MVB12B: variants seen among roughly 807,000 people sequenced by gnomAD.
MVB12B encodes the protein multivesicular body subunit 12B, also known as ESCRT-I complex subunit MVB12B.
MVB12B carries 16 observed loss-of-function variants against 41.6 expected under a neutral mutation model. That is an observed-to-expected ratio of 0.38 (90% confidence interval 0.26 to 0.58). MVB12B has a LOEUF of 0.58. MVB12B is among the 20% of genes least tolerant of loss of function. MVB12B has a pLI of 0.62. For missense variants in MVB12B, 274 were observed against 380.2 expected (o/e 0.72, Z 2.32); for synonymous variants, 133 against 139.7 (o/e 0.95, Z 0.34).
At chr9:126,378,384 C>G (rs1588122651) in intron 2 of MVB12B, among the ~76,000 whole-genome samples, 1 of 152,188 alleles carries the variant, frequency 6.6e-6, no homozygotes, top group East Asian at 1.9e-4. Flanking sequence ...GAAGACACCT[C>G]TGGGTACATC....
At chr9:126,444,592 A>C (rs1234579403) in intron 7 of MVB12B, among the ~76,000 whole-genome samples, 1 of 151,936 alleles carries the variant, frequency 6.6e-6, no homozygotes. Context: ...TTGCTCTCAC[A>C]TTACTACCGC....
intron 7 of MVB12B, among the ~76,000 whole-genome samples, chr9:126,437,437 A>C (rs191432479): frequency 6.6e-6 from 1 of 152,212 alleles, no homozygotes; most frequent in Non-Finnish European, 1.5e-5. Context: ...ATTTACTCCA[A>C]ATAATTGGAA....
chr9:126,383,679 T>G lies in MVB12B; in HGVS notation c.312+2508T>G, dbSNP rs546355627. Among the ~76,000 whole-genome samples, 9 of 151,572 alleles carry G rather than the reference T, an allele frequency of 5.9e-5. No homozygotes were observed. In the South Asian group the frequency reaches 1.9e-3, roughly 32 times the overall value. On this transcript the variant is annotated intron_variant, in intron 3 of 9. Transcript: ENST00000361171. ...GTTCTTCATATTTATGAGGAGGAAA[T>G]GAAAGAGAGAACAGATGGGGGAGGG...
chr9:126,489,525 T>C (rs916804560), intron 9 of MVB12B, among the ~76,000 whole-genome samples: 1 of 152,228 alleles, frequency 6.6e-6, no homozygotes. Context: ...GGATGCGCCA[T>C]TGAGCAAATT....
chr9:126,360,311 C>T (rs1829994439), intron 2 of MVB12B, among the ~76,000 whole-genome samples: 1 of 152,094 alleles, frequency 6.6e-6, no homozygotes, highest in African/African-American at 2.4e-5. Flanking sequence ...AGTCAGCAAA[C>T]TTTTCTGTAG....
chr9:126,409,569 A>G (rs572075751), intron 6 of MVB12B, among the ~76,000 whole-genome samples: 6 of 152,168 alleles, frequency 3.9e-5, no homozygotes, highest in Non-Finnish European at 8.8e-5. Context: ...TCAATGCAGA[A>G]CTTAGCCTAA....
intron 7 of MVB12B, among the ~76,000 whole-genome samples, chr9:126,465,796 T>C (rs1833188367): frequency 6.6e-6 from 1 of 152,110 alleles, no homozygotes; most frequent in South Asian, 2.1e-4. Context: ...AACATTTGTT[T>C]TAGATGTGTT....
At chr9:126,427,122 A>G (rs1269709699) in intron 7 of MVB12B, among the ~76,000 whole-genome samples, 2 of 152,110 alleles carry the variant, frequency 1.3e-5, no homozygotes, top group African/African-American at 4.8e-5. Flanking sequence ...TGCGGGGGGG[A>G]GGAGGGCTCC....
intron 7 of MVB12B, among the ~76,000 whole-genome samples, chr9:126,448,974 G>C (rs925485951): frequency 6.6e-6 from 1 of 152,208 alleles, no homozygotes; most frequent in African/African-American, 2.4e-5. Context: ...TACTCCAGGG[G>C]CCCACACCAG....
At chr9:126,487,720 T>C (rs905395475) in intron 9 of MVB12B, among the ~76,000 whole-genome samples, 2 of 150,948 alleles carry the variant, frequency 1.3e-5, no homozygotes, top group Non-Finnish European at 2.9e-5. Flanking sequence ...TGAGCCGAGA[T>C]TGCACCATTG....
In MVB12B at chr9:126,340,579, G is replaced by A. The variant is rs562864023; in HGVS notation, c.153G>A (p.Thr51=). The A allele has an allele frequency of 1.1e-5, 17 of 1,614,058 alleles. No individual in the cohort carries two copies. Among genetic ancestry groups the A allele is most frequent in the East Asian group, 2.2e-5 (1 of 44,898 alleles). ...ALPETSMDPI[T]GVGVVASRNR... is the part of the protein sequence containing the mutation. ...CAGAAACGTCAATGGATCCCATCAC[G>A]GGAGTCGGGGTGGTGGCTTCTCGGA... The change falls in exon 2 of 10, where the codon ACG becomes ACA. Residue 51 remains threonine (T), a synonymous_variant. Coordinates refer to ENST00000361171, the MANE Select transcript of MVB12B (RefSeq NM_033446.3). The surrounding 1 kb of genome is among the most constrained non-coding windows in gnomAD (Gnocchi z 4.0).
At position 126,462,072 on chromosome 9, in the gene MVB12B, C is replaced by T. The variant is rs79024322; in HGVS notation, c.758-19297C>T. Reference sequence around the variant, plus strand: ...AAAATTAAATGACGATAAAAACGCTCTGCTGTTCTGTGTTCACCAGTTCAT... The same window carrying T: ...AAAATTAAATGACGATAAAAACGCTTTGCTGTTCTGTGTTCACCAGTTCAT... On this transcript the variant is annotated intron_variant, in intron 7 of 9. Transcript: ENST00000361171. Among the ~76,000 whole-genome samples, 748 of 152,336 alleles carry T rather than the reference C, an allele frequency of 4.9e-3. 7 individuals are homozygous for T. The highest frequency in any genetic ancestry group is 0.017 in the African/African-American group (720 of 41,574).
At chr9:126,456,581 C>G (rs548327104) in intron 7 of MVB12B, among the ~76,000 whole-genome samples, 195 of 152,312 alleles carry the variant, frequency 1.3e-3, no homozygotes, top group South Asian at 2.7e-3. Flanking sequence ...CTCCCTGCTT[C>G]CAGCTCAGAT....
In MVB12B at chr9:126,395,849, A is replaced by G; in HGVS notation, c.662+152A>G. Reference sequence around the variant, plus strand: ...ATATCTTTAGAGGAGATTTTTAAAAATCCACTTGGAAATCTTTGCATTACA... The same window carrying G: ...ATATCTTTAGAGGAGATTTTTAAAAGTCCACTTGGAAATCTTTGCATTACA... On this transcript the variant is annotated intron_variant, in intron 6 of 9. Transcript: ENST00000361171. The surrounding 1 kb of genome is among the most constrained non-coding windows in gnomAD (Gnocchi z 4.9). 2 of 1,438,460 alleles carry G rather than the reference A, an allele frequency of 1.4e-6. No individual in the cohort carries two copies. Among genetic ancestry groups the G allele is most frequent in the East Asian group, 4.9e-5 (2 of 40,636 alleles). The allele number at this position is 1,438,460 out of a possible 1,614,324, so 89.1% of individuals were successfully genotyped here. A position where few individuals can be genotyped will look rare whatever the true frequency, so the allele number is the denominator to read the frequency against.
rs547516251 is a variant in MVB12B, at chr9:126,407,278, T to TGCTGGGAGACACGTCAGGGAGA, written c.662+11583_662+11604dup. Reference sequence around the variant, plus strand: ...TGTGCCCGTAGTCACCAACAGTAACTGCTGGGAGACACGTCAGGGAGAGGT... The same window carrying TGCTGGGAGACACGTCAGGGAGA: ...TGTGCCCGTAGTCACCAACAGTAACTGCTGGGAGACACGTCAGGGAGAGCTGGGAGACACGTCAGGGAGAGGT... On this transcript the variant is annotated intron_variant, in intron 6 of 9. Coordinates refer to ENST00000361171, the MANE Select transcript of MVB12B (RefSeq NM_033446.3). 1.0e-3 allele frequency among the ~76,000 whole-genome samples: 155 copies of TGCTGGGAGACACGTCAGGGAGA among 152,302 alleles called. 1 individual carries two copies. Among genetic ancestry groups the TGCTGGGAGACACGTCAGGGAGA allele is most frequent in the African/African-American group, 3.6e-3 (150 of 41,548 alleles).
chr9:126,351,251 G>A (rs1829738762), intron 2 of MVB12B, among the ~76,000 whole-genome samples: 1 of 152,058 alleles, frequency 6.6e-6, no homozygotes, highest in South Asian at 2.1e-4. Flanking sequence ...CTGTGACCTT[G>A]CTGCACTCAC....
chr9:126,447,177 T>C (rs1832793837), intron 7 of MVB12B, among the ~76,000 whole-genome samples: 1 of 151,084 alleles, frequency 6.6e-6, no homozygotes, highest in Non-Finnish European at 1.5e-5. Flanking sequence ...ACTCCTGACC[T>C]CAGGTGACCC....
At position 126,406,663 on chromosome 9, in the gene MVB12B, A is replaced by C. The variant is rs112799260; in HGVS notation, c.662+10966A>C. ...GATTAGACTAGATCATCTGGAATGG[A>C]AGTGTGGTGCCCCTGGTCCCAGACT... On this transcript the variant is annotated intron_variant, in intron 6 of 9. Transcript: ENST00000361171. 8.1e-3 allele frequency among the ~76,000 whole-genome samples: 1,232 copies of C among 152,320 alleles called. 18 individuals carry two copies. The highest frequency in any genetic ancestry group is 0.028 in the African/African-American group (1,161 of 41,570).
chr9:126,424,358 G>A (rs2119097302), intron 7 of MVB12B, among the ~76,000 whole-genome samples: 1 of 152,300 alleles, frequency 6.6e-6, no homozygotes, highest in Middle Eastern at 3.4e-3. Context: ...CACCAGTGGA[G>A]ACGATATGTA....
Sources: allele counts gnomAD v4.1 joint callset (sites outside exome capture counted in the v4.1 genomes callset), GRCh38; gene constraint gnomAD v4.1.1; non-coding constraint Gnocchi (gnomAD v3.1); transcripts MANE v1.5; gene names NCBI Gene and HGNC (gene_info 2026-07-23, HGNC 2026-07-21).